TAS2R1: variants seen among roughly 807,000 people sequenced by gnomAD.
TAS2R1 encodes the protein taste receptor type 2 member 1.
For missense variants in TAS2R1, 370 were observed against 353.4 expected, an observed-to-expected ratio of 1.05 and a Z score of -0.38; for synonymous variants, 141 against 134.2, an observed-to-expected ratio of 1.05 and a Z score of -0.35.
intron 1 of TAS2R1, among the ~76,000 whole-genome samples, chr5:9,662,824 C>T (rs1363766012): frequency 6.6e-6 from 1 of 152,200 alleles, no homozygotes; most frequent in Non-Finnish European, 1.5e-5. Flanking sequence ...AATACTCTTT[C>T]TTATTTGTTC....
chr5:9,880,118 C>T, the TAS2R1 span, among the ~76,000 whole-genome samples: 2 of 152,080 alleles, frequency 1.3e-5, no homozygotes, highest in South Asian at 4.1e-4. Context: ...TTTAAAAGCA[C>T]CAGTTGCTAA....
the TAS2R1 span, among the ~76,000 whole-genome samples, chr5:9,802,519 T>A: frequency 6.6e-6 from 1 of 152,150 alleles, no homozygotes; most frequent in Non-Finnish European, 1.5e-5. Flanking sequence ...CAAAGCACTG[T>A]TCTTTATCAC....
At chr5:9,805,731 T>C in the TAS2R1 span, among the ~76,000 whole-genome samples, 5 of 152,198 alleles carry the variant, frequency 3.3e-5, no homozygotes, top group South Asian at 4.1e-4. Flanking sequence ...AAAATTAGCA[T>C]AGAAGGGACA....
the TAS2R1 span, among the ~76,000 whole-genome samples, chr5:9,809,547 AC>A: frequency 1.3e-5 from 2 of 152,020 alleles, no homozygotes; most frequent in African/African-American, 4.8e-5. Flanking sequence ...CCTCACCAGA[AC>A]CCAATCATGG....
At chr5:9,706,811 C>T (rs1455053188) in intron 1 of TAS2R1, among the ~76,000 whole-genome samples, 1 of 152,138 alleles carries the variant, frequency 6.6e-6, no homozygotes, top group Non-Finnish European at 1.5e-5. Flanking sequence ...GAGCTGCAGG[C>T]ATGGCAAGGC....
chr5:9,814,306 GAA>G, the TAS2R1 span, among the ~76,000 whole-genome samples: 5 of 145,264 alleles, frequency 3.4e-5, no homozygotes, highest in African/African-American at 7.5e-5. Context: ...AATGGAAAGT[GAA>G]AAAAAAAAAT....
chr5:9,708,780 T>C (rs1741674559), intron 1 of TAS2R1, among the ~76,000 whole-genome samples: 2 of 152,178 alleles, frequency 1.3e-5, no homozygotes, highest in Non-Finnish European at 2.9e-5. Context: ...CAACCTGTGC[T>C]GACTTAAACT....
At chr5:9,793,776 G>A in the TAS2R1 span, among the ~76,000 whole-genome samples, 1 of 152,110 alleles carries the variant, frequency 6.6e-6, no homozygotes, top group South Asian at 2.1e-4. Flanking sequence ...AGTGGATAGG[G>A]AGACAACATA....
At chr5:9,823,746 G>A in the TAS2R1 span, among the ~76,000 whole-genome samples, 3 of 151,480 alleles carry the variant, frequency 2.0e-5, no homozygotes, top group Admixed American at 2.0e-4. Flanking sequence ...AAGGAAGGAA[G>A]GAAAGAAAGA....
chr5:9,639,851 T>C (rs1483409638), intron 2 of TAS2R1, among the ~76,000 whole-genome samples: 4 of 152,364 alleles, frequency 2.6e-5, no homozygotes, highest in Admixed American at 2.6e-4. Context: ...TTGCTCTAGA[T>C]TAGGCTTTGG....
upstream of TAS2R1, among the ~76,000 whole-genome samples, chr5:9,631,722 C>T (rs1739876809): frequency 6.6e-6 from 1 of 152,184 alleles, no homozygotes; most frequent in African/African-American, 2.4e-5. Flanking sequence ...ATAAAGAATA[C>T]TTAAGATTAA....
the TAS2R1 span, among the ~76,000 whole-genome samples, chr5:9,742,177 G>A: frequency 5.9e-5 from 9 of 152,214 alleles, no homozygotes; most frequent in African/African-American, 1.7e-4. Context: ...GAGCCACCAC[G>A]TCTGGCCTGC....
the TAS2R1 span, among the ~76,000 whole-genome samples, chr5:9,770,799 G>A: frequency 2.6e-5 from 4 of 152,014 alleles, no homozygotes; most frequent in African/African-American, 9.7e-5. Flanking sequence ...TAGTTTTTTG[G>A]TGGACTCGTT....
intron 1 of TAS2R1, among the ~76,000 whole-genome samples, chr5:9,676,721 C>G (rs1043067304): frequency 6.6e-6 from 1 of 151,748 alleles, no homozygotes; most frequent in African/African-American, 2.4e-5. Flanking sequence ...GATACAATAC[C>G]AAAATGTAAT....
the TAS2R1 span, among the ~76,000 whole-genome samples, chr5:9,825,171 G>T: frequency 2.0e-5 from 3 of 152,112 alleles, no homozygotes; most frequent in Admixed American, 6.5e-5. Context: ...TTACTAGCTG[G>T]TATTCTGTAT....
the TAS2R1 span, among the ~76,000 whole-genome samples, chr5:9,787,134 G>A: frequency 6.6e-6 from 1 of 152,106 alleles, no homozygotes; most frequent in East Asian, 1.9e-4. Context: ...CACCTAGCCA[G>A]GTGACTAGCA....
At chr5:9,753,080 G>T in the TAS2R1 span, among the ~76,000 whole-genome samples, 1 of 152,106 alleles carries the variant, frequency 6.6e-6, no homozygotes, top group Non-Finnish European at 1.5e-5. Context: ...GGGATGGCTG[G>T]GTCAAATGGT....
intron 1 of TAS2R1, among the ~76,000 whole-genome samples, chr5:9,673,664 C>A (rs540782156): frequency 2.0e-5 from 3 of 151,230 alleles, no homozygotes; most frequent in Admixed American, 6.6e-5. Context: ...CAGAATTTAT[C>A]CAGAAAAAGG....
At chr5:9,678,698 G>T (rs1306732357) in intron 1 of TAS2R1, among the ~76,000 whole-genome samples, 1 of 152,052 alleles carries the variant, frequency 6.6e-6, no homozygotes, top group South Asian at 2.1e-4. Flanking sequence ...ATCAAACACC[G>T]CATGTTCTCA....
Sources: gnomAD v4.1 joint callset for allele counts (sites outside exome capture counted in the v4.1 genomes callset) on GRCh38, gnomAD v4.1.1 for gene constraint, MANE v1.5 for transcripts, NCBI Gene and HGNC (gene_info 2026-07-23, HGNC 2026-07-21) for gene names.